The following CAMK2D variants were observed in gnomAD, a reference collection of about 807,000 sequenced individuals.
The protein encoded by CAMK2D is calcium/calmodulin dependent protein kinase II delta.
In CAMK2D, 37 loss-of-function variants were observed where a neutral mutation model predicts 84.0. The observed-to-expected ratio is 0.44, with a 90% confidence interval of 0.34 to 0.58. The LOEUF is 0.58. Among genes scored for constraint, CAMK2D ranks in the 20% least tolerant of loss-of-function variants. The pLI is 0.02. For missense variants in CAMK2D, 448 were observed against 652.5 expected (o/e 0.69, Z 3.41); for synonymous variants, 202 against 212.5 (o/e 0.95, Z 0.43).
intron 2 of CAMK2D, among the ~76,000 whole-genome samples, chr4:113,725,185 A>G (rs1456661219): frequency 1.3e-5 from 2 of 152,068 alleles, no homozygotes; most frequent in African/African-American, 4.8e-5. Context: ...TGTGGGAGGA[A>G]GGGTCTCAGA....
At chr4:113,498,197 T>C (rs2097969556) in intron 16 of CAMK2D, among the ~76,000 whole-genome samples, 1 of 152,152 alleles carries the variant, frequency 6.6e-6, no homozygotes. Flanking sequence ...GCATAATTAT[T>C]CACATATAGG....
rs182917544 is a variant in CAMK2D, at chr4:113,537,348, C to A, written c.510G>T (p.Ala170=). The change falls in exon 7 of 21, where the codon GCG becomes GCT. Residue 170 remains alanine, a synonymous_variant. Transcript: ENST00000511664. ...GGAGGGGGCCCTACTCACCAAACCA[C>A]GCCTGCTGGTCCCCTTGAACTTCTA... ...LAIEVQGDQQ[A]WFGFAGTPGY... The A allele has an allele frequency of 6.3e-7, 1 of 1,595,252 alleles. No individual in the cohort carries two copies. Among genetic ancestry groups the A allele is most frequent in the Non-Finnish European group, 8.6e-7 (1 of 1,163,186 alleles).
chr4:113,509,564 A>G, intron 13 of CAMK2D, 74 bp downstream of exon 13: 1 of 954,636 alleles, frequency 1.0e-6, no homozygotes, highest in Non-Finnish European at 1.7e-6. Flanking sequence ...AAGACTTAGG[A>G]ATTATATATA....
intron 2 of CAMK2D, among the ~76,000 whole-genome samples, chr4:113,689,568 C>T (rs2099377223): frequency 6.6e-6 from 1 of 152,142 alleles, no homozygotes. Flanking sequence ...TCTTTGCCTC[C>T]ATCCTGTCCT....
chr4:113,610,154 A>C (rs2154267313), intron 3 of CAMK2D, among the ~76,000 whole-genome samples: 1 of 152,182 alleles, frequency 6.6e-6, no homozygotes, highest in South Asian at 2.1e-4. Flanking sequence ...TTTGTCCCCC[A>C]GGTACCAAGC....
At chr4:113,743,120 T>C (rs1022770034) in intron 2 of CAMK2D, among the ~76,000 whole-genome samples, 1 of 152,188 alleles carries the variant, frequency 6.6e-6, no homozygotes. Flanking sequence ...TAAAATTTTC[T>C]TTTCAATTTT....
chr4:113,583,583 A>C (rs1032547418), intron 4 of CAMK2D, among the ~76,000 whole-genome samples: 1 of 152,208 alleles, frequency 6.6e-6, no homozygotes, highest in South Asian at 2.1e-4. Context: ...AACTTTGCCC[A>C]GAAACAACAT....
chr4:113,737,609 T>C (rs1228580306), intron 2 of CAMK2D, among the ~76,000 whole-genome samples: 1 of 152,208 alleles, frequency 6.6e-6, no homozygotes, highest in Admixed American at 6.5e-5. Context: ...CACTAAATTG[T>C]ACACTTAAAA....
intron 2 of CAMK2D, among the ~76,000 whole-genome samples, chr4:113,688,040 T>A (rs1219855278): frequency 2.0e-5 from 3 of 152,200 alleles, no homozygotes. Context: ...TAAAAGCATT[T>A]AATTCTCTTG....
chr4:113,660,501 C>G (rs1191929742), intron 3 of CAMK2D, among the ~76,000 whole-genome samples: 10 of 152,106 alleles, frequency 6.6e-5, no homozygotes, highest in Non-Finnish European at 1.3e-4. Flanking sequence ...GCAATCCTCC[C>G]ACCTTAGCCT....
At chr4:113,720,121 C>T (rs1423817279) in intron 2 of CAMK2D, among the ~76,000 whole-genome samples, 3 of 152,004 alleles carry the variant, frequency 2.0e-5, no homozygotes, top group Non-Finnish European at 4.4e-5. Context: ...TTGCTATCAA[C>T]AGTTCTCAGA....
At chr4:113,670,162 C>T (rs1262668564) in intron 2 of CAMK2D, among the ~76,000 whole-genome samples, 1 of 152,046 alleles carries the variant, frequency 6.6e-6, no homozygotes, top group South Asian at 2.1e-4. Flanking sequence ...TGGGCCTGTA[C>T]TCCCAGCTAC....
At chr4:113,515,665 T>C (rs912472860) in intron 9 of CAMK2D, among the ~76,000 whole-genome samples, 1 of 152,188 alleles carries the variant, frequency 6.6e-6, no homozygotes, top group Non-Finnish European at 1.5e-5. Flanking sequence ...TAAGCAGTAA[T>C]AGCAGAGGTA....
chr4:113,610,690 C>A (rs1309818115), intron 3 of CAMK2D, among the ~76,000 whole-genome samples: 1 of 152,092 alleles, frequency 6.6e-6, no homozygotes, highest in Non-Finnish European at 1.5e-5. Flanking sequence ...GGGAATGCAG[C>A]CAACAGTTCA....
intron 2 of CAMK2D, among the ~76,000 whole-genome samples, chr4:113,693,027 C>T (rs1230909036): frequency 6.6e-6 from 1 of 152,052 alleles, no homozygotes; most frequent in Non-Finnish European, 1.5e-5. Flanking sequence ...TCATTATGTT[C>T]CCTCTGACCT....
chr4:113,686,713 A>G (rs920501997), intron 2 of CAMK2D, among the ~76,000 whole-genome samples: 1 of 152,198 alleles, frequency 6.6e-6, no homozygotes. Flanking sequence ...TTTTAACATG[A>G]TCATTGAGAA....
At chr4:113,592,707 C>G (rs2098896590) in intron 4 of CAMK2D, among the ~76,000 whole-genome samples, 1 of 151,930 alleles carries the variant, frequency 6.6e-6, no homozygotes, top group African/African-American at 2.4e-5. Context: ...AGAAACAGAT[C>G]AAACTAATAA....
chr4:113,475,815 T>C (rs1263725014), intron 16 of CAMK2D, among the ~76,000 whole-genome samples: 1 of 152,222 alleles, frequency 6.6e-6, no homozygotes, highest in Non-Finnish European at 1.5e-5. Flanking sequence ...GCAAAAATAG[T>C]AGCTTGTGCT....
At chr4:113,528,454 GA>G (rs1367741510) in intron 8 of CAMK2D, among the ~76,000 whole-genome samples, 1 of 151,780 alleles carries the variant, frequency 6.6e-6, no homozygotes, top group Non-Finnish European at 1.5e-5. Context: ...GAGGGATGAA[GA>G]AAAAAAGTAG....
Sources: allele counts gnomAD v4.1 joint callset (sites outside exome capture counted in the v4.1 genomes callset), GRCh38; gene constraint gnomAD v4.1.1; transcripts MANE v1.5; gene names NCBI Gene and HGNC (gene_info 2026-07-23, HGNC 2026-07-21).